The following NFIB variants were observed in gnomAD, a reference collection of about 807,000 sequenced individuals.
NFIB encodes the protein nuclear factor 1 B-type.
In NFIB, 11 loss-of-function variants were observed where a neutral mutation model predicts 61.5. That is an observed-to-expected ratio of 0.18 (90% CI 0.11 to 0.30). NFIB has a LOEUF of 0.30. Ranked by LOEUF, NFIB falls within the 10% of genes least tolerant of loss-of-function variation. NFIB has a pLI of 1.00. For missense variants in NFIB, 471 were observed against 608.9 expected (o/e 0.77, Z 2.38); for synonymous variants, 260 against 216.5 (o/e 1.20, Z -1.76).
chr9:14,206,515 A>G (rs553656133), intron 2 of NFIB, among the ~76,000 whole-genome samples: 2 of 151,810 alleles, frequency 1.3e-5, no homozygotes, highest in African/African-American at 4.8e-5. Flanking sequence ...CTTTCATGAG[A>G]TTTTATGGTC....
chr9:14,084,124 C>G lies in NFIB; in HGVS notation c.*4185G>C, dbSNP rs554754520. On this transcript the variant is annotated 3_prime_UTR_variant, in exon 11 of 11. Transcript: ENST00000380953. ...TCAAGCACAGGAATCTGTGAAATAA[C>G]TCCTAACATGGACAGATTTTCTTTT... The G allele has an allele frequency of 4.9e-6, 1 of 204,204 alleles. No homozygotes were observed. The highest frequency in any genetic ancestry group is 1.0e-5 in the Non-Finnish European group (1 of 99,580). The allele number at this position is 204,204 out of a possible 1,614,324, so 12.6% of individuals were successfully genotyped here. A position where few individuals can be genotyped will look rare whatever the true frequency, so the allele number is the denominator to read the frequency against.
Position 14,313,223 on chromosome 9 carries a change from C to T in NFIB, c.30+259G>A, listed in dbSNP as rs1406475202. Among the ~76,000 whole-genome samples, 2 of 151,714 alleles carry T rather than the reference C, an allele frequency of 1.3e-5. No individual in the cohort carries two copies. The highest frequency in any genetic ancestry group is 2.1e-4 in the South Asian group (1 of 4,810). ...CTCGCACTTACAGGTCCCGGCCCTG[C>T]CCACCCCCCGGCGGCCTTGCCCGGC... On this transcript the variant is annotated intron_variant, in intron 1 of 10. Coordinates refer to ENST00000380953, the MANE Select transcript of NFIB (RefSeq NM_001190737.2). The surrounding 1 kb of genome is among the most constrained non-coding windows in gnomAD (Gnocchi z 4.5).
chr9:14,514,319 T>TACACACAC, the NFIB span, among the ~76,000 whole-genome samples: 2 of 52,668 alleles, frequency 3.8e-5, no homozygotes, highest in African/African-American at 6.4e-5. Context: ...TACACATACA[T>TACACACAC]ACATACATAC....
the NFIB span, among the ~76,000 whole-genome samples, chr9:14,521,573 C>T: frequency 1.3e-5 from 2 of 152,140 alleles, no homozygotes; most frequent in Admixed American, 1.3e-4. Flanking sequence ...TGCAAAGTAC[C>T]TAGCAGAGAA....
At chr9:14,367,052 A>G (rs997770627) in intron 1 of NFIB, among the ~76,000 whole-genome samples, 2 of 152,202 alleles carry the variant, frequency 1.3e-5, no homozygotes, top group Admixed American at 6.5e-5. Flanking sequence ...CTCCTGTAAG[A>G]GTCCACTAAC....
chr9:14,193,759 CA>C (rs2048200246), intron 2 of NFIB, among the ~76,000 whole-genome samples: 1 of 152,080 alleles, frequency 6.6e-6, no homozygotes, highest in African/African-American at 2.4e-5. Context: ...CAAACAGTAC[CA>C]ATATACTTAA....
the NFIB span, among the ~76,000 whole-genome samples, chr9:14,463,906 C>G: frequency 6.6e-6 from 1 of 152,064 alleles, no homozygotes; most frequent in South Asian, 2.1e-4. Flanking sequence ...GTGGTCCGAC[C>G]GCCTCGGCCT....
chr9:14,523,882 T>C, the NFIB span, among the ~76,000 whole-genome samples: 2 of 152,180 alleles, frequency 1.3e-5, no homozygotes, highest in South Asian at 2.1e-4. Context: ...GCCTTCTTCT[T>C]ACTCTTACCT....
the NFIB span, among the ~76,000 whole-genome samples, chr9:14,406,706 G>A: frequency 6.6e-6 from 1 of 152,186 alleles, no homozygotes; most frequent in Admixed American, 6.6e-5. Context: ...AGAAGTGACG[G>A]AGGCTGCTTC....
chr9:14,105,661 C>T (rs889840888), intron 10 of NFIB, among the ~76,000 whole-genome samples: 1 of 152,056 alleles, frequency 6.6e-6, no homozygotes, highest in African/African-American at 2.4e-5. Context: ...CACTTATTCA[C>T]CAAAGATTTC....
the NFIB span, among the ~76,000 whole-genome samples, chr9:14,458,162 T>A: frequency 6.6e-6 from 1 of 152,128 alleles, no homozygotes; most frequent in Non-Finnish European, 1.5e-5. Flanking sequence ...CAAAAACTTA[T>A]CCACCATGAT....
chr9:14,237,690 C>G (rs532815826), intron 2 of NFIB, among the ~76,000 whole-genome samples: 2 of 151,400 alleles, frequency 1.3e-5, no homozygotes, highest in African/African-American at 4.9e-5. Context: ...CATCTCTTGC[C>G]GATCTACATT....
intron 1 of NFIB, chr9:14,321,821 G>A: frequency 1.8e-6 from 2 of 1,124,348 alleles, no homozygotes; most frequent in Non-Finnish European, 2.2e-6. Flanking sequence ...TTTAGGAAAG[G>A]GGTAAAACAG....
At chr9:14,404,901 C>G in the NFIB span, among the ~76,000 whole-genome samples, 4 of 152,150 alleles carry the variant, frequency 2.6e-5, no homozygotes, top group African/African-American at 9.7e-5. Context: ...GGGTGTTGTC[C>G]TCACTCATCT....
chr9:14,215,863 A>C (rs2050798177), intron 2 of NFIB, among the ~76,000 whole-genome samples: 1 of 152,170 alleles, frequency 6.6e-6, no homozygotes, highest in Admixed American at 6.5e-5. Context: ...AACATCTCCA[A>C]GCTTCTTTCA....
At chr9:14,391,294 G>A (rs999208869) in intron 1 of NFIB, among the ~76,000 whole-genome samples, 7 of 151,956 alleles carry the variant, frequency 4.6e-5, no homozygotes, top group Admixed American at 4.6e-4. Context: ...GTCTTGTTAG[G>A]GTAGGTAGTT....
intron 1 of NFIB, among the ~76,000 whole-genome samples, chr9:14,385,998 G>T (rs1413676115): frequency 6.6e-6 from 1 of 151,976 alleles, no homozygotes; most frequent in African/African-American, 2.4e-5. Context: ...TTCCAGGCTG[G>T]TCTCAAACTC....
intron 3 of NFIB, among the ~76,000 whole-genome samples, chr9:14,157,795 T>C (rs979391357): frequency 3.9e-5 from 6 of 152,288 alleles, no homozygotes; most frequent in African/African-American, 7.2e-5. Flanking sequence ...TTATTGTTTA[T>C]AGTTCATTAT....
At chr9:14,455,960 G>C in the NFIB span, among the ~76,000 whole-genome samples, 1 of 152,172 alleles carries the variant, frequency 6.6e-6, no homozygotes, top group African/African-American at 2.4e-5. Flanking sequence ...CGGAAAATTA[G>C]TGTCAAGAGG....
Sources: gnomAD v4.1 joint callset for allele counts (sites outside exome capture counted in the v4.1 genomes callset) on GRCh38, gnomAD v4.1.1 for gene constraint, Gnocchi (gnomAD v3.1) non-coding constraint, MANE v1.5 for transcripts, NCBI Gene and HGNC (gene_info 2026-07-23, HGNC 2026-07-21) for gene names.